CPNE4: variants seen among roughly 807,000 people sequenced by gnomAD.
CPNE4 encodes the protein copine 4, also known as copine-4.
CPNE4 carries 25 observed loss-of-function variants against 67.9 expected under a neutral mutation model. The observed-to-expected ratio is 0.37, with a 90% CI of 0.27 to 0.51. The LOEUF is 0.51. CPNE4 is among the 20% of genes least tolerant of loss of function. The pLI, the probability that CPNE4 is intolerant of heterozygous loss-of-function variation, is 0.93. For missense variants in CPNE4, 464 were observed against 690.8 expected (o/e 0.67, Z 3.68); for synonymous variants, 242 against 244.9 (o/e 0.99, Z 0.11).
intron 11 of CPNE4, among the ~76,000 whole-genome samples, chr3:131,559,714 G>A (rs1171934840): frequency 1.3e-5 from 2 of 151,968 alleles, no homozygotes; most frequent in Non-Finnish European, 2.9e-5. Context: ...TTGGAGGGAA[G>A]AGAATGGAAA....
chr3:131,588,895 C>T (rs1938357567), intron 7 of CPNE4, among the ~76,000 whole-genome samples: 1 of 152,158 alleles, frequency 6.6e-6, no homozygotes, highest in Non-Finnish European at 1.5e-5. Flanking sequence ...CAGCTTGTCT[C>T]CTTGTCTCAC....
chr3:131,780,894 C>T (rs536928631), intron 2 of CPNE4, among the ~76,000 whole-genome samples: 1 of 152,122 alleles, frequency 6.6e-6, no homozygotes, highest in African/African-American at 2.4e-5. Flanking sequence ...CTAAACCTGT[C>T]AGCAGATCCA....
intron 7 of CPNE4, among the ~76,000 whole-genome samples, chr3:131,634,314 A>C (rs1444006911): frequency 6.6e-6 from 1 of 152,222 alleles, no homozygotes; most frequent in Non-Finnish European, 1.5e-5. Context: ...ATAAATGCCA[A>C]GATTGGCAAA....
chr3:131,682,763 A>G (rs556940765), intron 6 of CPNE4, among the ~76,000 whole-genome samples: 1 of 152,114 alleles, frequency 6.6e-6, no homozygotes, highest in South Asian at 2.1e-4. Flanking sequence ...CAGAAATGCC[A>G]TCTGGGAGCC....
chr3:131,788,394 G>A (rs944766437), intron 2 of CPNE4, among the ~76,000 whole-genome samples: 1 of 151,990 alleles, frequency 6.6e-6, no homozygotes, highest in African/African-American at 2.4e-5. Flanking sequence ...AAATGATGAA[G>A]AGCATAACAG....
intron 11 of CPNE4, 60 bp downstream of exon 11, chr3:131,564,156 A>G (rs1936935415): frequency 6.2e-7 from 1 of 1,602,460 alleles, no homozygotes; most frequent in Non-Finnish European, 8.5e-7. Context: ...AGGATCAGCC[A>G]AAGACCGTCT....
intron 2 of CPNE4, among the ~76,000 whole-genome samples, chr3:131,819,491 TACACACACACACACAC>T (rs5852655): frequency 1.4e-5 from 2 of 146,172 alleles, no homozygotes; most frequent in Admixed American, 6.8e-5. Context: ...CACACACAGA[TACACACACACACACAC>T]ACACACACAC....
chr3:131,815,702 G>A (rs771107800), intron 2 of CPNE4, among the ~76,000 whole-genome samples: 1 of 152,172 alleles, frequency 6.6e-6, no homozygotes, highest in Non-Finnish European at 1.5e-5. Context: ...CAAGAGGATG[G>A]TGGACTTATA....
At position 131,911,063 on chromosome 3, in the gene CPNE4, C is replaced by T. The variant is rs140907627; in HGVS notation, c.-1-5619G>A. Among the ~76,000 whole-genome samples, 32 of 152,210 alleles carry T rather than the reference C, an allele frequency of 2.1e-4. 1 individual carries two copies. In the East Asian group the frequency reaches 6.2e-3, roughly 29 times the overall value. On this transcript the variant is annotated intron_variant, in intron 1 of 15. Transcript: ENST00000429747. Reference sequence around the variant, plus strand: ...CCCTCACCTTGAGTATGGGTGAGACCTGTGACTTGCTTTTAACCAATAAAA... The same window carrying T: ...CCCTCACCTTGAGTATGGGTGAGACTTGTGACTTGCTTTTAACCAATAAAA...
chr3:131,865,973 T>C (rs2086930650), intron 2 of CPNE4, among the ~76,000 whole-genome samples: 1 of 152,200 alleles, frequency 6.6e-6, no homozygotes, highest in Non-Finnish European at 1.5e-5. Context: ...TGGCCAGGCC[T>C]TTACAGGCTC....
At chr3:131,958,337 A>G (rs2699850) in intron 1 of CPNE4, among the ~76,000 whole-genome samples, 78,538 of 151,934 alleles carry the variant, frequency 0.52, 21,700 homozygotes, top group Admixed American at 0.67. Context: ...ATTTTTGTAC[A>G]TCACACCAAT....
intron 6 of CPNE4, among the ~76,000 whole-genome samples, chr3:131,670,793 T>C (rs149331608): frequency 9.6e-4 from 138 of 143,654 alleles, no homozygotes; most frequent in African/African-American, 3.5e-3. Flanking sequence ...AGTCTTTAGT[T>C]AGTGGAAGTC....
At position 131,708,957 on chromosome 3, in the gene CPNE4, G is replaced by GATATATATATATATATATATATAT. The variant is rs202119937; in HGVS notation, c.361-9001_361-8978dup. Among the ~76,000 whole-genome samples, 75 of 65,820 alleles carry GATATATATATATATATATATATAT rather than the reference G, an allele frequency of 1.1e-3. 9 individuals are homozygous for GATATATATATATATATATATATAT. Among genetic ancestry groups the GATATATATATATATATATATATAT allele is most frequent in the Non-Finnish European group, 1.2e-3 (38 of 31,372 alleles). 43.2% of individuals were successfully genotyped at this position (65,820 alleles called of 152,430 possible). A position where few individuals can be genotyped will look rare whatever the true frequency, so the allele number is the denominator to read the frequency against. On this transcript the variant is annotated intron_variant, in intron 3 of 15. Coordinates refer to ENST00000429747, the MANE Select transcript of CPNE4 (RefSeq NM_130808.3). ...AAAAATCAGTGTCTGAGGGCATAAA[G>GATATATATATATATATATATATAT]ATATATATATATATATATATATATA...
intron 2 of CPNE4, among the ~76,000 whole-genome samples, chr3:131,903,185 G>A (rs1204230525): frequency 1.3e-5 from 2 of 152,102 alleles, no homozygotes; most frequent in Non-Finnish European, 2.9e-5. Context: ...ATAAACAGGT[G>A]AGCATAGTAT....
chr3:131,600,120 G>A (rs984058307), intron 7 of CPNE4, among the ~76,000 whole-genome samples: 4 of 152,130 alleles, frequency 2.6e-5, no homozygotes, highest in Non-Finnish European at 4.4e-5. Context: ...GCCATAGATG[G>A]CATTGATATT....
chr3:131,971,846 C>G (rs1365960906), intron 1 of CPNE4, among the ~76,000 whole-genome samples: 1 of 152,186 alleles, frequency 6.6e-6, no homozygotes, highest in Non-Finnish European at 1.5e-5. Flanking sequence ...AGGCATGCCC[C>G]TCTAGAATGA....
intron 2 of CPNE4, among the ~76,000 whole-genome samples, chr3:131,851,581 A>C (rs1052255078): frequency 3.3e-5 from 5 of 152,210 alleles, no homozygotes; most frequent in Admixed American, 2.6e-4. Context: ...TTATAGAGTC[A>C]CTTCAAAGAA....
At chr3:131,738,854 C>CTTTTT (rs34053204) in intron 2 of CPNE4, among the ~76,000 whole-genome samples, 1 of 140,134 alleles carries the variant, frequency 7.1e-6, no homozygotes, top group East Asian at 2.1e-4. Context: ...TTTTCTTTTT[C>CTTTTT]TTTTTTTTTT....
intron 7 of CPNE4, among the ~76,000 whole-genome samples, chr3:131,614,540 T>C (rs1271279742): frequency 5.3e-5 from 8 of 152,226 alleles, no homozygotes; most frequent in African/African-American, 1.9e-4. Flanking sequence ...TTAATGGATG[T>C]AATTGAGAGA....
Sources: gnomAD v4.1 joint callset for allele counts (sites outside exome capture counted in the v4.1 genomes callset) on GRCh38, gnomAD v4.1.1 for gene constraint, MANE v1.5 for transcripts, NCBI Gene and HGNC (gene_info 2026-07-23, HGNC 2026-07-21) for gene names.